CFAP299: variants seen among roughly 807,000 people sequenced by gnomAD.
CFAP299 encodes cilia and flagella associated protein 299.
In CFAP299, 21 loss-of-function variants were observed where a neutral mutation model predicts 27.0. That is an observed-to-expected ratio of 0.78 (90% confidence interval 0.55 to 1.12). CFAP299 has a LOEUF of 1.12. Among genes scored for constraint, CFAP299 ranks in the 50% most tolerant of loss-of-function variants. The pLI, the probability that CFAP299 is intolerant of heterozygous loss-of-function variation, is 0.00. For missense variants in CFAP299, 310 were observed against 276.6 expected (o/e 1.12, Z -0.86); for synonymous variants, 104 against 98.1 (o/e 1.06, Z -0.36).
At chr4:80,912,008 A>G (rs1291575564) in intron 4 of CFAP299, among the ~76,000 whole-genome samples, 1 of 152,082 alleles carries the variant, frequency 6.6e-6, no homozygotes, top group African/African-American at 2.4e-5. Flanking sequence ...ACCTCTGGGC[A>G]CTAAATCACT....
chr4:80,438,282 G>C (rs1728189998), intron 2 of CFAP299, among the ~76,000 whole-genome samples: 1 of 152,172 alleles, frequency 6.6e-6, no homozygotes, highest in African/African-American at 2.4e-5. Context: ...GTGCAGGTTT[G>C]ATGAAAGAAG....
Position 80,909,213 on chromosome 4 carries a change from C to G in CFAP299, c.477-35597C>G, listed in dbSNP as rs531378402. ...CTACTACTTAACTACGAACAATTAA[C>G]TAAATTTGGTTCAATGGTCACCAAA... On this transcript the variant is annotated intron_variant, in intron 4 of 5. Coordinates refer to ENST00000358105, the MANE Select transcript of CFAP299 (RefSeq NM_152770.3). 8.6e-5 allele frequency among the ~76,000 whole-genome samples: 13 copies of G among 151,762 alleles called. 1 individual carries two copies. The highest frequency in any genetic ancestry group is 3.1e-4 in the African/African-American group (13 of 41,402).
intron 2 of CFAP299, among the ~76,000 whole-genome samples, chr4:80,480,361 G>A (rs536168837): frequency 2.0e-5 from 3 of 151,928 alleles, no homozygotes; most frequent in South Asian, 4.2e-4. Flanking sequence ...CAGAGGGTAC[G>A]CAAAGAGGGG....
intron 1 of CFAP299, among the ~76,000 whole-genome samples, chr4:80,343,555 C>T (rs1158222674): frequency 7.2e-5 from 11 of 152,026 alleles, no homozygotes; most frequent in East Asian, 3.9e-4. Flanking sequence ...TTTGGGAGGC[C>T]GAGGCGGGTG....
chr4:80,357,118 C>T (rs1182258882), intron 1 of CFAP299, among the ~76,000 whole-genome samples: 1 of 151,990 alleles, frequency 6.6e-6, no homozygotes, highest in Non-Finnish European at 1.5e-5. Context: ...GTCTTTAGTT[C>T]TGTTTATGTG....
intron 2 of CFAP299, among the ~76,000 whole-genome samples, chr4:80,408,304 A>T (rs1229422789): frequency 1.3e-5 from 2 of 152,172 alleles, no homozygotes; most frequent in Non-Finnish European, 2.9e-5. Flanking sequence ...TATTTTTGCC[A>T]TTCAACTATT....
At chr4:80,765,331 A>G (rs1247955118) in intron 3 of CFAP299, among the ~76,000 whole-genome samples, 3 of 152,312 alleles carry the variant, frequency 2.0e-5, no homozygotes, top group African/African-American at 7.2e-5. Flanking sequence ...TTCAGAGATG[A>G]TATCCAACTT....
At chr4:80,524,514 G>A (rs542474647) in intron 2 of CFAP299, among the ~76,000 whole-genome samples, 1 of 151,926 alleles carries the variant, frequency 6.6e-6, no homozygotes, top group East Asian at 1.9e-4. Context: ...ATTCTTGAGG[G>A]GTAAAATCAC....
chr4:80,765,388 C>T (rs1725799195), intron 3 of CFAP299, among the ~76,000 whole-genome samples: 1 of 152,062 alleles, frequency 6.6e-6, no homozygotes, highest in African/African-American at 2.4e-5. Flanking sequence ...AGTAATTCCA[C>T]ATCCAGGCTG....
At chr4:80,614,341 C>T (rs1345850960) in intron 3 of CFAP299, among the ~76,000 whole-genome samples, 2 of 152,296 alleles carry the variant, frequency 1.3e-5, no homozygotes, top group South Asian at 2.1e-4. Flanking sequence ...TAATAATGAC[C>T]TTGATCCCCA....
At chr4:80,758,336 C>A (rs1725365097) in intron 3 of CFAP299, among the ~76,000 whole-genome samples, 1 of 152,168 alleles carries the variant, frequency 6.6e-6, no homozygotes, top group Non-Finnish European at 1.5e-5. Flanking sequence ...TGCCTTCAAG[C>A]TGTCCCTCTG....
At chr4:80,651,554 AG>A (rs1376977633) in intron 3 of CFAP299, among the ~76,000 whole-genome samples, 1 of 151,662 alleles carries the variant, frequency 6.6e-6, no homozygotes, top group African/African-American at 2.4e-5. Flanking sequence ...TTGTAGAGAT[AG>A]GGTCTCTCTC....
At chr4:80,480,328 C>G (rs933483460) in intron 2 of CFAP299, among the ~76,000 whole-genome samples, 2 of 151,696 alleles carry the variant, frequency 1.3e-5, no homozygotes, top group Non-Finnish European at 2.9e-5. Context: ...TAACTCCAAA[C>G]CAGAAGTGGT....
At chr4:80,370,930 ACT>A (rs955969456) in intron 2 of CFAP299, among the ~76,000 whole-genome samples, 13 of 152,034 alleles carry the variant, frequency 8.6e-5, no homozygotes, top group African/African-American at 1.2e-4. Context: ...GAGAGCTCTA[ACT>A]CCACATTTCC....
At chr4:80,384,559 T>C (rs1030815293) in intron 2 of CFAP299, among the ~76,000 whole-genome samples, 1 of 152,128 alleles carries the variant, frequency 6.6e-6, no homozygotes, top group African/African-American at 2.4e-5. Flanking sequence ...TAGAAAGACA[T>C]AGGCTTGCTG....
At chr4:80,867,807 G>C (rs1394292552) in intron 3 of CFAP299, among the ~76,000 whole-genome samples, 1 of 152,102 alleles carries the variant, frequency 6.6e-6, no homozygotes, top group African/African-American at 2.4e-5. Context: ...TGTGGTACTG[G>C]AGTTCAAGGT....
chr4:80,322,067 G>A, the CFAP299 span, among the ~76,000 whole-genome samples: 908 of 152,252 alleles, frequency 6.0e-3, 12 homozygotes, highest in African/African-American at 0.021. Flanking sequence ...TAGCACCCAG[G>A]GTCATTGTGG....
chr4:80,374,312 T>TC (rs2110012579), intron 2 of CFAP299, among the ~76,000 whole-genome samples: 1 of 152,322 alleles, frequency 6.6e-6, no homozygotes, highest in African/African-American at 2.4e-5. Flanking sequence ...TTCCTTTTTT[T>TC]CTTATCAGAC....
chr4:80,503,826 G>T (rs1731858857), intron 2 of CFAP299, among the ~76,000 whole-genome samples: 1 of 152,134 alleles, frequency 6.6e-6, no homozygotes, highest in Non-Finnish European at 1.5e-5. Context: ...TGAGTTAAAA[G>T]GGATGCCAAA....
Sources: allele counts gnomAD v4.1 joint callset (sites outside exome capture counted in the v4.1 genomes callset), GRCh38; gene constraint gnomAD v4.1.1; transcripts MANE v1.5; gene names NCBI Gene and HGNC (gene_info 2026-07-23, HGNC 2026-07-21).